The following PCDHA1 variants were observed in gnomAD, a reference collection of about 807,000 sequenced individuals.
The protein encoded by PCDHA1 is protocadherin alpha-1.
PCDHA1 carries 42 observed loss-of-function variants against 61.3 expected under a neutral mutation model. That is an observed-to-expected ratio of 0.69 (90% CI 0.54 to 0.89). The LOEUF (loss-of-function observed/expected upper bound fraction) is 0.89, where lower values mean the gene tolerates loss of function less well. Among genes scored for constraint, PCDHA1 ranks in the 40% least tolerant of loss-of-function variants. The pLI is 0.00. For missense variants in PCDHA1, 1,256 were observed against 1,235.3 expected (o/e 1.02, Z -0.25); for synonymous variants, 610 against 553.8 (o/e 1.10, Z -1.43).
At chr5:140,968,378 G>A (rs782689152) in intron 1 of PCDHA1, 15 of 1,614,040 alleles carry the variant, frequency 9.3e-6, no homozygotes, top group Non-Finnish European at 1.3e-5. Context: ...CAACTCCTTT[G>A]ACTATGAGAA....
chr5:140,803,517 C>G lies in PCDHA1; in HGVS notation c.2394+14833C>G, dbSNP rs782792820. ...CAAGACCGACCTCATGGCTTTTAGC[C>G]CTAGCCTTCCTCCTTGTCCAATTAG... On this transcript the variant is annotated intron_variant, in intron 1 of 3. Coordinates refer to ENST00000504120, the MANE Select transcript of PCDHA1 (RefSeq NM_018900.4). The G allele has an allele frequency of 1.9e-6, 3 of 1,614,084 alleles. No homozygotes were observed. In the African/African-American group the frequency reaches 4.0e-5, roughly 22 times the overall value.
At chr5:140,998,415 C>T (rs1554256243) in intron 3 of PCDHA1, among the ~76,000 whole-genome samples, 1 of 152,158 alleles carries the variant, frequency 6.6e-6, no homozygotes, top group African/African-American at 2.4e-5. Context: ...GTTTATCTAC[C>T]TGGTTTATCC....
rs570001791 is a variant in PCDHA1, at chr5:140,924,660, C to T, written c.2395-54289C>T. Among the ~76,000 whole-genome samples the T allele has an allele frequency of 2.5e-3, 382 of 152,090 alleles. 1 individual carries two copies. Among genetic ancestry groups the T allele is most frequent in the South Asian group, 8.9e-3 (43 of 4,822 alleles). Reference sequence around the variant, plus strand: ...CTGTAATCCCAGCACTTTGGGAGGCCGAGGCAGGCCAATCACTTGAGGTCA... The same window carrying T: ...CTGTAATCCCAGCACTTTGGGAGGCTGAGGCAGGCCAATCACTTGAGGTCA... On this transcript the variant is annotated intron_variant, in intron 1 of 3. Coordinates refer to ENST00000504120, the MANE Select transcript of PCDHA1 (RefSeq NM_018900.4).
At chr5:140,877,585 T>A (rs2057227188) in intron 1 of PCDHA1, 1 of 1,613,836 alleles carries the variant, frequency 6.2e-7, no homozygotes, top group Non-Finnish European at 8.5e-7. Flanking sequence ...CATCGCCATC[T>A]GTGCGGTGTC....
chr5:140,869,373 C>T (rs782224697), intron 1 of PCDHA1: 5 of 1,613,984 alleles, frequency 3.1e-6, no homozygotes, highest in African/African-American at 2.7e-5. Flanking sequence ...ATTCTCGGAT[C>T]GACCGCGAGG....
rs138450064 is a variant in PCDHA1, at chr5:140,818,961, A to G, written c.2394+30277A>G. Among the ~76,000 whole-genome samples, 26 of 152,350 alleles carry G rather than the reference A, an allele frequency of 1.7e-4. No individual in the cohort carries two copies. In the East Asian group the frequency reaches 4.6e-3, roughly 27 times the overall value. Reference sequence around the variant, plus strand: ...CATGAACATTGATATTCACTATCTCAGGGATATGTTAGAACTATTCTCATA... The same window carrying G: ...CATGAACATTGATATTCACTATCTCGGGGATATGTTAGAACTATTCTCATA... On this transcript the variant is annotated intron_variant, in intron 1 of 3. Coordinates refer to ENST00000504120, the MANE Select transcript of PCDHA1 (RefSeq NM_018900.4).
chr5:140,917,778 G>A (rs1271229686), intron 1 of PCDHA1, among the ~76,000 whole-genome samples: 4 of 152,218 alleles, frequency 2.6e-5, no homozygotes, highest in African/African-American at 9.6e-5. Flanking sequence ...TTAGTACCAT[G>A]TTGTTTTGGT....
At chr5:140,920,835 C>T (rs1253933771) in intron 1 of PCDHA1, among the ~76,000 whole-genome samples, 1 of 141,740 alleles carries the variant, frequency 7.1e-6, no homozygotes, top group Non-Finnish European at 1.5e-5. Flanking sequence ...GGAGCAAGAC[C>T]AAATCTAAAA....
rs543206903 is a variant in PCDHA1, at chr5:140,803,726, T to A, written c.2394+15042T>A. 247 of 1,474,622 alleles carry A rather than the reference T, an allele frequency of 1.7e-4. 1 individual carries two copies. In the African/African-American group the frequency reaches 3.1e-3, roughly 19 times the overall value. 91.3% of individuals were successfully genotyped at this position (1,474,622 alleles called of 1,614,324 possible). A position where few individuals can be genotyped will look rare whatever the true frequency, so the allele number is the denominator to read the frequency against. ...ATTAGACTTTTCCAGTTTTGTGGTT[T>A]TGTGGTTAAAACGGTAAGATTTTTG... On this transcript the variant is annotated intron_variant, in intron 1 of 3. Transcript: ENST00000504120.
At chr5:140,829,332 A>G in intron 1 of PCDHA1, 1 of 1,614,236 alleles carries the variant, frequency 6.2e-7, no homozygotes, top group Non-Finnish European at 8.5e-7. Context: ...AGTGCCCTGG[A>G]CCGCGAGAGC....
chr5:140,880,895 TAGAA>T (rs1421038707), intron 1 of PCDHA1, among the ~76,000 whole-genome samples: 2 of 152,090 alleles, frequency 1.3e-5, no homozygotes, highest in African/African-American at 4.8e-5. Context: ...TAGGGCCAGA[TAGAA>T]AGAATTAGAA....
chr5:140,889,424 A>G (rs2062220483), intron 1 of PCDHA1, among the ~76,000 whole-genome samples: 1 of 151,956 alleles, frequency 6.6e-6, no homozygotes, highest in African/African-American at 2.4e-5. Context: ...CGTAGATAAT[A>G]TTTTTTCAGG....
Position 140,906,732 on chromosome 5 carries a change from T to G in PCDHA1, c.2395-72217T>G, listed in dbSNP as rs535007647. On this transcript the variant is annotated intron_variant, in intron 1 of 3. Coordinates refer to ENST00000504120, the MANE Select transcript of PCDHA1 (RefSeq NM_018900.4). ...CTGCCTGGATTGTGCTGTTGTAGTT[T>G]CCCATTGACACAGGGCATGGTAATA... Among the ~76,000 whole-genome samples, 14 of 152,296 alleles carry G rather than the reference T, an allele frequency of 9.2e-5. No individual in the cohort carries two copies. The South Asian group carries it at 2.7e-3, about 29-fold the overall frequency.
At chr5:140,882,534 G>C in intron 1 of PCDHA1, 1 of 1,614,204 alleles carries the variant, frequency 6.2e-7, no homozygotes. Flanking sequence ...GTGAATTCTC[G>C]GATCGACCGC....
intron 1 of PCDHA1, chr5:140,842,580 C>T (rs1778108515): frequency 1.3e-6 from 2 of 1,517,648 alleles, no homozygotes; most frequent in African/African-American, 2.9e-5. Context: ...AGAGTGTCGG[C>T]CTATGAGTTG....
At chr5:140,985,884 C>T (rs1263620553) in intron 3 of PCDHA1, among the ~76,000 whole-genome samples, 4 of 151,722 alleles carry the variant, frequency 2.6e-5, no homozygotes, top group East Asian at 3.9e-4. Context: ...GGACTACAGG[C>T]GCCCGCCACC....
At chr5:140,846,369 C>CTTTTTTTTTTT (rs797033964) in intron 1 of PCDHA1, among the ~76,000 whole-genome samples, 5 of 102,192 alleles carry the variant, frequency 4.9e-5, no homozygotes, top group African/African-American at 7.6e-5. Context: ...TCTTTTCTTT[C>CTTTTTTTTTTT]TTTCTTTTTT....
chr5:141,006,872 G>T (rs1211849672), intron 3 of PCDHA1, among the ~76,000 whole-genome samples: 1 of 152,144 alleles, frequency 6.6e-6, no homozygotes, highest in Non-Finnish European at 1.5e-5. Flanking sequence ...ATAGATTCGA[G>T]GAATCAAGAG....
Position 140,856,344 on chromosome 5 carries a change from T to C in PCDHA1, c.2394+67660T>C, listed in dbSNP as rs782335067. 2.8e-5 allele frequency: 45 copies of C among 1,598,188 alleles called. 4 individuals are homozygous for C. The highest frequency in any genetic ancestry group is 1.5e-4 in the Admixed American group (9 of 59,260). On this transcript the variant is annotated intron_variant, in intron 1 of 3. Transcript: ENST00000504120. The stretch of plus-strand genomic sequence containing the variant: ...CGCGAGGAGCTGTGCGGGCGGAGCG[T>C]GGAGTGCAGCATCCACCTGGAGGTG...
Sources: allele counts gnomAD v4.1 joint callset (sites outside exome capture counted in the v4.1 genomes callset), GRCh38; gene constraint gnomAD v4.1.1; transcripts MANE v1.5; gene names NCBI Gene and HGNC (gene_info 2026-07-23, HGNC 2026-07-21).